Variants in SDK1 observed in about 807,000 individuals in gnomAD.
The protein encoded by SDK1 is protein sidekick-1.
A neutral mutation model predicts 245.5 loss-of-function variants in SDK1; 157 were observed. The ratio of observed to expected loss-of-function variants is 0.64; its 90% CI spans 0.56 to 0.73. The LOEUF is 0.73. SDK1 is among the 30% of genes least tolerant of loss of function. The probability of loss-of-function intolerance (pLI) is 0.00; values close to 1 mark genes in which losing one functional copy is unlikely to be tolerated. For missense variants in SDK1, 3,583 were observed against 3,002.3 expected (o/e 1.19, Z -4.52); for synonymous variants, 1,647 against 1,278.5 (o/e 1.29, Z -6.15).
chr7:3,824,983 C>A (rs772928293), intron 5 of SDK1, among the ~76,000 whole-genome samples: 1 of 152,144 alleles, frequency 6.6e-6, no homozygotes, highest in Non-Finnish European at 1.5e-5. Flanking sequence ...CTCCACCCCG[C>A]TGCCCTGGTG....
intron 1 of SDK1, among the ~76,000 whole-genome samples, chr7:3,527,868 G>T (rs549166587): frequency 1.7e-4 from 25 of 148,614 alleles, no homozygotes; most frequent in African/African-American, 5.9e-4. Flanking sequence ...GAGGCTGGAT[G>T]ATAGTCAGCT....
intron 4 of SDK1, among the ~76,000 whole-genome samples, chr7:3,753,821 C>G (rs1779843504): frequency 1.3e-5 from 2 of 152,088 alleles, no homozygotes; most frequent in South Asian, 4.2e-4. Flanking sequence ...TTCCACGTAG[C>G]TAGAATTGAA....
At chr7:3,400,591 C>G (rs1368757782) in intron 1 of SDK1, among the ~76,000 whole-genome samples, 1 of 151,932 alleles carries the variant, frequency 6.6e-6, no homozygotes, top group Non-Finnish European at 1.5e-5. Flanking sequence ...AAACATAAAA[C>G]TATAAAAAGT....
chr7:3,583,456 G>A (rs1184816838), intron 1 of SDK1, among the ~76,000 whole-genome samples: 1 of 152,098 alleles, frequency 6.6e-6, no homozygotes, highest in African/African-American at 2.4e-5. Context: ...GTAAACCATC[G>A]CTGGAAATAT....
chr7:4,003,748 C>T (rs952899759), intron 14 of SDK1, among the ~76,000 whole-genome samples: 5 of 152,232 alleles, frequency 3.3e-5, no homozygotes, highest in African/African-American at 9.6e-5. Flanking sequence ...CTCTCAGCAG[C>T]ACCTGTCTTG....
intron 22 of SDK1, among the ~76,000 whole-genome samples, chr7:4,083,770 C>A: frequency 1.3e-5 from 1 of 74,718 alleles, no homozygotes; most frequent in Non-Finnish European, 3.2e-5. Context: ...TCCCTCCCTC[C>A]CTTCTTTCCT....
At chr7:3,456,210 T>C (rs1015607358) in intron 1 of SDK1, among the ~76,000 whole-genome samples, 2 of 152,250 alleles carry the variant, frequency 1.3e-5, no homozygotes, top group Non-Finnish European at 2.9e-5. Context: ...TGAGTTTATT[T>C]TGTTTGGGCT....
rs148694280 is a variant in SDK1 at position 4,059,558 on chromosome 7, C to T, written c.2911+7728C>T. On this transcript the variant is annotated intron_variant, in intron 19 of 44. Transcript: ENST00000404826. Reference sequence around the variant, plus strand: ...TCTTGACAGAAAAATAACAAAGAAACATTGGATTTAAACTGCGCTTTAGAC... The same window carrying T: ...TCTTGACAGAAAAATAACAAAGAAATATTGGATTTAAACTGCGCTTTAGAC... Among the ~76,000 whole-genome samples the T allele has an allele frequency of 7.9e-3, 1,204 of 152,286 alleles. 18 individuals are homozygous for T. Among genetic ancestry groups the T allele is most frequent in the African/African-American group, 0.027 (1,134 of 41,566 alleles).
intron 4 of SDK1, among the ~76,000 whole-genome samples, chr7:3,718,713 T>A (rs889048850): frequency 2.0e-5 from 3 of 151,994 alleles, no homozygotes; most frequent in Non-Finnish European, 4.4e-5. Flanking sequence ...AGGTGAATGC[T>A]TTTTCCCCAA....
At chr7:3,808,063 A>G (rs890132109) in intron 4 of SDK1, among the ~76,000 whole-genome samples, 1 of 152,140 alleles carries the variant, frequency 6.6e-6, no homozygotes, top group Non-Finnish European at 1.5e-5. Flanking sequence ...AGGGACTCCC[A>G]TGCAGTCATC....
intron 1 of SDK1, among the ~76,000 whole-genome samples, chr7:3,475,835 C>T (rs550603994): frequency 6.6e-6 from 1 of 152,316 alleles, no homozygotes; most frequent in Admixed American, 6.5e-5. Flanking sequence ...TGAGCTGCCT[C>T]TCTGGCTCTC....
intron 4 of SDK1, among the ~76,000 whole-genome samples, chr7:3,762,195 G>A (rs897078345): frequency 1.3e-5 from 2 of 152,166 alleles, no homozygotes; most frequent in Non-Finnish European, 2.9e-5. Flanking sequence ...GCTTAGATCC[G>A]TGGTTTCTAG....
At chr7:3,521,493 A>G (rs548971001) in intron 1 of SDK1, among the ~76,000 whole-genome samples, 3 of 152,322 alleles carry the variant, frequency 2.0e-5, no homozygotes, top group African/African-American at 7.2e-5. Flanking sequence ...TAAGCGTCAT[A>G]GTCCTGACAC....
At position 4,241,806 on chromosome 7, in the gene SDK1, C is replaced by T. The variant is rs1477379493; in HGVS notation, c.6144C>T (p.Ser2048=). Residue 2048 remains serine (S), a synonymous_variant, in exon 43 of 45, where the codon TCC becomes TCT. Transcript: ENST00000404826. The part of the protein sequence containing the change: ...YKNCSTGKGI[S]TMEESVTLDN... ...GCTGGGCTTTAGGAAAGGGGATCTCCACCATGGAGGAGTCTGTGACCCTGG... is the reference window on the plus strand; with the variant it reads ...GCTGGGCTTTAGGAAAGGGGATCTCTACCATGGAGGAGTCTGTGACCCTGG... 1.9e-6 allele frequency: 3 copies of T among 1,614,194 alleles called. No individual in the cohort carries two copies. The highest frequency in any genetic ancestry group is 2.2e-5 in the East Asian group (1 of 44,870).
At chr7:3,788,411 G>C (rs1268762594) in intron 4 of SDK1, among the ~76,000 whole-genome samples, 1 of 152,182 alleles carries the variant, frequency 6.6e-6, no homozygotes. Context: ...TCTGTGCAGA[G>C]GGGATAAGGT....
chr7:3,970,022 G>A (rs1046393449), intron 11 of SDK1, among the ~76,000 whole-genome samples: 1 of 152,220 alleles, frequency 6.6e-6, no homozygotes, highest in African/African-American at 2.4e-5. Context: ...TGGAAATGCA[G>A]AGTAGTTTTC....
At chr7:3,389,763 A>G (rs954051156) in intron 1 of SDK1, among the ~76,000 whole-genome samples, 14 of 148,010 alleles carry the variant, frequency 9.5e-5, no homozygotes, top group African/African-American at 2.5e-5. Context: ...ATAAACAAAA[A>G]CAAAAAACTA....
At chr7:4,200,744 G>A (rs546423893) in intron 35 of SDK1, among the ~76,000 whole-genome samples, 1 of 152,318 alleles carries the variant, frequency 6.6e-6, no homozygotes, top group East Asian at 1.9e-4. Context: ...TCACAGCAGT[G>A]CCACATTCTA....
intron 32 of SDK1, among the ~76,000 whole-genome samples, chr7:4,167,327 G>A (rs1226056558): frequency 1.3e-5 from 2 of 152,070 alleles, no homozygotes; most frequent in Admixed American, 6.6e-5. Context: ...GCTACAGTGA[G>A]CAACCCAGGA....
Sources: gnomAD v4.1 joint callset for allele counts (sites outside exome capture counted in the v4.1 genomes callset) on GRCh38, gnomAD v4.1.1 for gene constraint, MANE v1.5 for transcripts, NCBI Gene and HGNC (gene_info 2026-07-23, HGNC 2026-07-21) for gene names.